Variants in UGGT2 observed in about 807,000 individuals in gnomAD.
The protein encoded by UGGT2 is UDP-glucose glycoprotein glucosyltransferase 2.
A neutral mutation model predicts 192.1 loss-of-function variants in UGGT2; 180 were observed. That is an observed-to-expected ratio of 0.94 (90% CI 0.83 to 1.06). UGGT2 has a LOEUF of 1.06. Among genes scored for constraint, UGGT2 ranks in the 50% least tolerant of loss-of-function variants. The pLI is 0.00. For missense variants in UGGT2, 1,849 were observed against 1,795.7 expected, an observed-to-expected ratio of 1.03 and a Z score of -0.54; for synonymous variants, 580 against 591.0, an observed-to-expected ratio of 0.98 and a Z score of 0.27.
intron 33 of UGGT2, 104 bp from the exon 34 acceptor site, chr13:95,856,444 T>C (rs1474373524): frequency 2.9e-5 from 35 of 1,198,984 alleles, no homozygotes; most frequent in African/African-American, 1.6e-5. Flanking sequence ...TAAATTGTTA[T>C]AAACTAATAG....
chr13:95,890,282 G>A (rs2047762200), intron 25 of UGGT2, among the ~76,000 whole-genome samples: 1 of 152,096 alleles, frequency 6.6e-6, no homozygotes, highest in African/African-American at 2.4e-5. Flanking sequence ...AGTCTTCTCA[G>A]GCTAATATAA....
At chr13:96,009,959 G>A (rs2052104804) in intron 5 of UGGT2, among the ~76,000 whole-genome samples, 1 of 152,084 alleles carries the variant, frequency 6.6e-6, no homozygotes, top group Non-Finnish European at 1.5e-5. Flanking sequence ...TCTTGTATCA[G>A]TCAGAATGGC....
intron 26 of UGGT2, chr13:95,887,153 A>T: frequency 3.1e-6 from 1 of 320,808 alleles, no homozygotes; most frequent in Admixed American, 3.2e-5. Context: ...GAATGAACAG[A>T]ATGCTACCTG....
At chr13:95,826,040 TA>T (rs1886010721) in intron 38 of UGGT2, among the ~76,000 whole-genome samples, 1 of 152,032 alleles carries the variant, frequency 6.6e-6, no homozygotes, top group Non-Finnish European at 1.5e-5. Context: ...TTAGGAAATA[TA>T]TTAATATAGT....
At chr13:95,969,831 CTTG>C (rs934682511) in intron 12 of UGGT2, among the ~76,000 whole-genome samples, 10 of 152,100 alleles carry the variant, frequency 6.6e-5, no homozygotes, top group East Asian at 3.8e-4. Context: ...TATTTGGTGT[CTTG>C]TTGTTATTGT....
At chr13:95,911,731 C>T (rs61972920) in intron 20 of UGGT2, among the ~76,000 whole-genome samples, 58,741 of 151,962 alleles carry the variant, frequency 0.39, 11,537 homozygotes, top group Middle Eastern at 0.42. Flanking sequence ...CCTAACTCAA[C>T]TTATGAGGCC....
chr13:95,991,468 A>G (rs1261182719), intron 7 of UGGT2: 3 of 454,778 alleles, frequency 6.6e-6, no homozygotes, highest in Middle Eastern at 3.2e-4. Context: ...TAGTCAATAG[A>G]CAAGCCTTTG....
chr13:95,843,876 T>C lies in UGGT2; in HGVS notation c.4285-6674A>G, dbSNP rs181130392. Reference sequence around the variant, plus strand: ...CTATTTTGACTACAGTAGCTATATATTATGTCTTAAAACAAGGTGGTATAA... The same window carrying C: ...CTATTTTGACTACAGTAGCTATATACTATGTCTTAAAACAAGGTGGTATAA... On this transcript the variant is annotated intron_variant, in intron 36 of 38. Coordinates refer to ENST00000376747, the MANE Select transcript of UGGT2 (RefSeq NM_020121.4). Among the ~76,000 whole-genome samples the C allele has an allele frequency of 1.4e-3, 215 of 152,278 alleles. 2 individuals are homozygous for C. The highest frequency in any genetic ancestry group is 5.1e-3 in the African/African-American group (210 of 41,572).
intron 38 of UGGT2, among the ~76,000 whole-genome samples, chr13:95,827,275 T>G (rs1176619184): frequency 6.6e-6 from 1 of 152,128 alleles, no homozygotes; most frequent in Non-Finnish European, 1.5e-5. Flanking sequence ...TTACAAGAAT[T>G]CTAACTTCTG....
At chr13:95,936,006 T>C (rs57235111) in intron 17 of UGGT2, among the ~76,000 whole-genome samples, 2,571 of 152,166 alleles carry the variant, frequency 0.017, 72 homozygotes, top group African/African-American at 0.059. Flanking sequence ...TTTAAGTTTT[T>C]TTGTAGAGCA....
intron 2 of UGGT2, among the ~76,000 whole-genome samples, chr13:96,025,649 T>A (rs1244021931): frequency 6.6e-6 from 1 of 152,148 alleles, no homozygotes; most frequent in Non-Finnish European, 1.5e-5. Flanking sequence ...AGTCTTATGT[T>A]GTCCATCTGA....
At chr13:95,888,377 T>G (rs549036355) in intron 25 of UGGT2, among the ~76,000 whole-genome samples, 1 of 152,334 alleles carries the variant, frequency 6.6e-6, no homozygotes, top group East Asian at 1.9e-4. Context: ...TTGGAAGTTC[T>G]TGGCTACCTA....
At chr13:95,943,881 T>C (rs116722317) in intron 15 of UGGT2, among the ~76,000 whole-genome samples, 219 of 152,174 alleles carry the variant, frequency 1.4e-3, no homozygotes, top group African/African-American at 4.8e-3. Flanking sequence ...CTTTCTATCA[T>C]TTTACTGCTA....
intron 1 of UGGT2, among the ~76,000 whole-genome samples, chr13:96,034,055 C>A (rs2052922580): frequency 6.6e-6 from 1 of 152,114 alleles, no homozygotes; most frequent in Non-Finnish European, 1.5e-5. Flanking sequence ...CCAGGGCCTC[C>A]CATGGACGAG....
At chr13:95,824,457 C>T (rs1885809462) in intron 38 of UGGT2, among the ~76,000 whole-genome samples, 1 of 152,114 alleles carries the variant, frequency 6.6e-6, no homozygotes, top group Admixed American at 6.6e-5. Context: ...TTTACATAAT[C>T]CCATATTTCT....
intron 11 of UGGT2, among the ~76,000 whole-genome samples, chr13:95,972,364 C>A (rs546814311): frequency 2.0e-5 from 3 of 152,286 alleles, no homozygotes; most frequent in African/African-American, 7.2e-5. Context: ...ATAGGTCTAA[C>A]CCTCATCCAA....
intron 2 of UGGT2, 54 bp from the exon 3 acceptor site, chr13:96,023,813 T>G: frequency 7.2e-7 from 1 of 1,396,150 alleles, no homozygotes; most frequent in East Asian, 2.4e-5. Context: ...CACTGCACAT[T>G]GGCACATCTT....
At chr13:95,863,278 C>T (rs28631067) in intron 31 of UGGT2, among the ~76,000 whole-genome samples, 9,502 of 152,164 alleles carry the variant, frequency 0.062, 667 homozygotes, top group African/African-American at 0.16. Flanking sequence ...GAGGAACATA[C>T]CCAATCATTT....
chr13:95,836,406 G>A (rs1887293523), intron 37 of UGGT2, among the ~76,000 whole-genome samples: 1 of 152,156 alleles, frequency 6.6e-6, no homozygotes, highest in Non-Finnish European at 1.5e-5. Flanking sequence ...CAGAAAGCCT[G>A]AAATTGCTAT....
Sources: allele counts gnomAD v4.1 joint callset (sites outside exome capture counted in the v4.1 genomes callset), GRCh38; gene constraint gnomAD v4.1.1; transcripts MANE v1.5; gene names NCBI Gene and HGNC (gene_info 2026-07-23, HGNC 2026-07-21).